The following THRB variants were observed in gnomAD, a reference collection of about 807,000 sequenced individuals.
THRB encodes thyroid hormone receptor beta, also known as nuclear receptor subfamily 1 group A member 2.
A neutral mutation model predicts 47.8 loss-of-function variants in THRB; 12 were observed. The ratio of observed to expected loss-of-function variants is 0.25; its 90% CI spans 0.16 to 0.41. The LOEUF (loss-of-function observed/expected upper bound fraction) is 0.41. Ranked by LOEUF, THRB falls within the 10% of genes least tolerant of loss-of-function variation. The pLI is 1.00. For missense variants in THRB, 348 were observed against 589.2 expected (o/e 0.59, Z 4.24); for synonymous variants, 218 against 212.2 (o/e 1.03, Z -0.24).
intron 4 of THRB, among the ~76,000 whole-genome samples, chr3:24,203,747 C>T (rs1277182320): frequency 2.0e-5 from 3 of 152,180 alleles, no homozygotes; most frequent in Non-Finnish European, 4.4e-5. Context: ...CAGGGAATTC[C>T]GTTTCTTAGC....
intron 1 of THRB, among the ~76,000 whole-genome samples, chr3:24,473,729 C>T (rs1001264552): frequency 6.6e-6 from 1 of 152,124 alleles, no homozygotes; most frequent in African/African-American, 2.4e-5. Flanking sequence ...GAAAATGTGG[C>T]ACATATACAC....
chr3:24,416,444 G>A (rs2068738886), intron 1 of THRB, among the ~76,000 whole-genome samples: 1 of 151,840 alleles, frequency 6.6e-6, no homozygotes, highest in South Asian at 2.1e-4. Flanking sequence ...GTAGGATGAA[G>A]TACTAATGAA....
chr3:24,398,206 C>G (rs2067118523), intron 1 of THRB, among the ~76,000 whole-genome samples: 2 of 151,988 alleles, frequency 1.3e-5, no homozygotes, highest in South Asian at 4.1e-4. Flanking sequence ...CAATCAGAAA[C>G]CTAGGTCATT....
intron 1 of THRB, among the ~76,000 whole-genome samples, chr3:24,409,827 T>A (rs996995679): frequency 6.6e-6 from 1 of 151,826 alleles, no homozygotes; most frequent in Non-Finnish European, 1.5e-5. Flanking sequence ...CAGGATTCCA[T>A]ATGTTCCTGA....
intron 1 of THRB, among the ~76,000 whole-genome samples, chr3:24,388,008 C>T (rs1028544998): frequency 6.6e-6 from 1 of 152,096 alleles, no homozygotes; most frequent in African/African-American, 2.4e-5. Context: ...GCAGAAAAAC[C>T]TATCTACAGC....
chr3:24,444,786 T>C (rs2071902260), intron 1 of THRB, among the ~76,000 whole-genome samples: 1 of 152,118 alleles, frequency 6.6e-6, no homozygotes, highest in African/African-American at 2.4e-5. Context: ...GGTTTCACCA[T>C]GTTGGTCAGG....
chr3:24,433,964 T>G (rs1017961709), intron 1 of THRB, among the ~76,000 whole-genome samples: 4 of 152,100 alleles, frequency 2.6e-5, no homozygotes, highest in Non-Finnish European at 5.9e-5. Flanking sequence ...TTGTTCCAGC[T>G]CTAAAATGCA....
At chr3:24,326,406 T>TTTG (rs2061597091) in intron 2 of THRB, among the ~76,000 whole-genome samples, 1 of 152,050 alleles carries the variant, frequency 6.6e-6, no homozygotes, top group Non-Finnish European at 1.5e-5. Context: ...TGGCTAATTT[T>TTTG]CATATTTGTA....
At chr3:24,288,521 A>G (rs2055572133) in intron 3 of THRB, among the ~76,000 whole-genome samples, 2 of 152,018 alleles carry the variant, frequency 1.3e-5, no homozygotes, top group Admixed American at 1.3e-4. Flanking sequence ...GCTGTCCTCC[A>G]TTAATAGATT....
chr3:24,203,284 C>A (rs542335499), intron 4 of THRB, among the ~76,000 whole-genome samples: 1 of 152,128 alleles, frequency 6.6e-6, no homozygotes. Context: ...TGTGGTGGCA[C>A]ACACCTGTGG....
chr3:24,264,695 T>C (rs1341103460), intron 3 of THRB, among the ~76,000 whole-genome samples: 2 of 152,000 alleles, frequency 1.3e-5, no homozygotes, highest in Non-Finnish European at 2.9e-5. Context: ...TTGTTCCAGG[T>C]AGATTAAAAA....
At chr3:24,261,269 G>A (rs1166578800) in intron 3 of THRB, among the ~76,000 whole-genome samples, 1 of 149,324 alleles carries the variant, frequency 6.7e-6, no homozygotes, top group Non-Finnish European at 1.5e-5. Context: ...TTGGGAGGCC[G>A]AGGCGGGCAG....
chr3:24,270,313 T>C lies in THRB; in HGVS notation c.-43+26913A>G, dbSNP rs537347504. Among the ~76,000 whole-genome samples, 6 of 152,342 alleles carry C rather than the reference T, an allele frequency of 3.9e-5. No homozygotes were observed. The South Asian group carries it at 8.3e-4, about 21-fold the overall frequency. Reference sequence around the variant, plus strand: ...TCTTTAAACACATTTTAATGAGCTATGGGTATAGTTTGTACTACTAAACTA... The same window carrying C: ...TCTTTAAACACATTTTAATGAGCTACGGGTATAGTTTGTACTACTAAACTA... On this transcript the variant is annotated intron_variant, in intron 3 of 10. Transcript: ENST00000646209.
intron 4 of THRB, among the ~76,000 whole-genome samples, chr3:24,226,903 T>A (rs765727363): frequency 2.0e-5 from 3 of 152,216 alleles, no homozygotes; most frequent in Non-Finnish European, 4.4e-5. Flanking sequence ...AGACACTGTA[T>A]GGGCTGCAAA....
intron 2 of THRB, among the ~76,000 whole-genome samples, chr3:24,327,922 T>A (rs1278613559): frequency 2.0e-5 from 3 of 151,984 alleles, no homozygotes; most frequent in Non-Finnish European, 4.4e-5. Context: ...GACAAAGAGA[T>A]AATATCCTTA....
intron 3 of THRB, among the ~76,000 whole-genome samples, chr3:24,271,159 G>C (rs1345002806): frequency 6.6e-6 from 1 of 152,228 alleles, no homozygotes; most frequent in East Asian, 1.9e-4. Flanking sequence ...AGGATATTTA[G>C]TGCTGGAACC....
intron 2 of THRB, among the ~76,000 whole-genome samples, chr3:24,333,377 T>C (rs1375616007): frequency 1.3e-5 from 2 of 152,180 alleles, no homozygotes; most frequent in Non-Finnish European, 2.9e-5. Context: ...ACTTTGGCGC[T>C]AGCAGGATCA....
intron 4 of THRB, among the ~76,000 whole-genome samples, chr3:24,224,764 C>T (rs1167554348): frequency 6.6e-6 from 1 of 152,146 alleles, no homozygotes; most frequent in Non-Finnish European, 1.5e-5. Context: ...ACTTTATGAA[C>T]ATGTGATTTA....
chr3:24,452,810 A>G (rs914483524), intron 1 of THRB, among the ~76,000 whole-genome samples: 29 of 152,170 alleles, frequency 1.9e-4, no homozygotes, highest in African/African-American at 6.3e-4. Context: ...TCTCCCAAGA[A>G]AACTGGTCTT....
Sources: allele counts gnomAD v4.1 joint callset (sites outside exome capture counted in the v4.1 genomes callset), GRCh38; gene constraint gnomAD v4.1.1; transcripts MANE v1.5; gene names NCBI Gene and HGNC (gene_info 2026-07-23, HGNC 2026-07-21).